PPFIBP2: variants seen among roughly 807,000 people sequenced by gnomAD.
PPFIBP2 encodes the protein liprin-beta-2.
Under a neutral mutation model 118.3 loss-of-function variants are expected in PPFIBP2, and 118 were observed. The observed-to-expected ratio is 1.00, with a 90% CI of 0.86 to 1.16. The LOEUF (loss-of-function observed/expected upper bound fraction) is 1.16, where lower values mean the gene tolerates loss of function less well. PPFIBP2 is among the 50% of genes most tolerant of loss of function. The probability of loss-of-function intolerance (pLI) is 0.00; values close to 1 mark genes in which losing one functional copy is unlikely to be tolerated. For synonymous variants in PPFIBP2, 414 were observed against 397.4 expected (o/e 1.04, Z -0.50); for missense variants, 1,195 against 1,073.1 (o/e 1.11, Z -1.59).
intron 17 of PPFIBP2, among the ~76,000 whole-genome samples, chr11:7,645,873 C>G (rs1324971077): frequency 1.3e-5 from 2 of 152,066 alleles, no homozygotes; most frequent in Non-Finnish European, 2.9e-5. Flanking sequence ...ACTGAAATGT[C>G]CCTCAGATAT....
At chr11:7,519,322 A>G (rs1849521604) in intron 1 of PPFIBP2, among the ~76,000 whole-genome samples, 1 of 152,098 alleles carries the variant, frequency 6.6e-6, no homozygotes, top group South Asian at 2.1e-4. Context: ...GCGAGAATGG[A>G]GGAGAAGGAT....
At chr11:7,571,960 A>G (rs1028491260) in intron 3 of PPFIBP2, 9 of 152,258 alleles carry the variant, frequency 5.9e-5, no homozygotes, top group African/African-American at 1.9e-4. Context: ...CAAAGATAAC[A>G]TAAGCACCTC....
At chr11:7,648,664 G>T (rs1483754700) in intron 18 of PPFIBP2, 127 bp downstream of exon 18, 1 of 1,476,410 alleles carries the variant, frequency 6.8e-7, no homozygotes, top group Non-Finnish European at 9.4e-7. Flanking sequence ...TTCCTCTGTA[G>T]CTGCAGGTTG....
At chr11:7,574,345 C>A (rs1235409340) in intron 3 of PPFIBP2, among the ~76,000 whole-genome samples, 1 of 152,136 alleles carries the variant, frequency 6.6e-6, no homozygotes, top group African/African-American at 2.4e-5. Flanking sequence ...GTCTGAGACA[C>A]CACCTCACAG....
In PPFIBP2 at chr11:7,650,825, T is replaced by G; in HGVS notation, c.2122-15T>G. On this transcript the variant is annotated splice_polypyrimidine_tract_variant and intron_variant, in intron 21 of 23. Transcript: ENST00000299492. ...ATTAAGCCTAACTTCCTCACTCTCCTTCTCCCTCTGACAGAGTAACCTTTC... is the reference window on the plus strand; with the variant it reads ...ATTAAGCCTAACTTCCTCACTCTCCGTCTCCCTCTGACAGAGTAACCTTTC... 1 of 1,612,788 alleles carries G rather than the reference T, an allele frequency of 6.2e-7. No homozygotes were observed. The highest frequency in any genetic ancestry group is 8.5e-7 in the Non-Finnish European group (1 of 1,179,062).
intron 1 of PPFIBP2, among the ~76,000 whole-genome samples, chr11:7,542,070 A>G (rs992890697): frequency 6.6e-6 from 1 of 152,164 alleles, no homozygotes; most frequent in East Asian, 1.9e-4. Flanking sequence ...AGCCAGAGTA[A>G]TCCTTTTAAA....
chr11:7,612,919 T>C (rs1317325671), intron 6 of PPFIBP2, among the ~76,000 whole-genome samples: 1 of 152,364 alleles, frequency 6.6e-6, no homozygotes, highest in East Asian at 1.9e-4. Context: ...TGCACTATTG[T>C]CATGTGCATG....
intron 17 of PPFIBP2, among the ~76,000 whole-genome samples, chr11:7,645,186 G>C (rs1340083196): frequency 6.6e-6 from 1 of 152,128 alleles, no homozygotes; most frequent in Non-Finnish European, 1.5e-5. Flanking sequence ...ACTTGCTAAG[G>C]GGAAGTTGAC....
chr11:7,664,215 A>G, the PPFIBP2 span, among the ~76,000 whole-genome samples: 1 of 152,226 alleles, frequency 6.6e-6, no homozygotes, highest in African/African-American at 2.4e-5. Flanking sequence ...AAGGAGTCTG[A>G]ATAGGTTCCA....
At position 7,550,341 on chromosome 11, in the gene PPFIBP2, G is replaced by A. The variant is rs902492662; in HGVS notation, c.64+802G>A. 3.9e-5 allele frequency among the ~76,000 whole-genome samples: 6 copies of A among 152,138 alleles called. No individual in the cohort carries two copies. The East Asian group carries it at 1.2e-3, about 29-fold the overall frequency. ...TGGCTGGAAGAGAGCGTGGAGGAAGGTATTGGGCCAAGTGTGGCTAGACCC... is the reference window on the plus strand; with the variant it reads ...TGGCTGGAAGAGAGCGTGGAGGAAGATATTGGGCCAAGTGTGGCTAGACCC... On this transcript the variant is annotated intron_variant, in intron 2 of 23. Coordinates refer to ENST00000299492, the MANE Select transcript of PPFIBP2 (RefSeq NM_003621.5).
At position 7,549,431 on chromosome 11, in the gene PPFIBP2, A is replaced by C; in HGVS notation, c.-36-9A>C. The C allele has an allele frequency of 6.4e-7, 1 of 1,551,640 alleles. No individual in the cohort carries two copies. The highest frequency in any genetic ancestry group is 8.7e-7 in the Non-Finnish European group (1 of 1,146,774). ...TAATTTTTCCTTTGTTCTGTATTTGAATTTTCAGTAAGAAGAGGAGGAGGC... is the reference window on the plus strand; with the variant it reads ...TAATTTTTCCTTTGTTCTGTATTTGCATTTTCAGTAAGAAGAGGAGGAGGC... On this transcript the variant is annotated splice_polypyrimidine_tract_variant and intron_variant, in intron 1 of 23. Transcript: ENST00000299492.
intron 23 of PPFIBP2, among the ~76,000 whole-genome samples, chr11:7,652,291 G>C (rs1047508460): frequency 2.0e-5 from 3 of 152,220 alleles, no homozygotes; most frequent in African/African-American, 7.2e-5. Context: ...TTCGTGAAGT[G>C]GCCAGCACAC....
chr11:7,544,367 C>G (rs146305869), intron 1 of PPFIBP2, among the ~76,000 whole-genome samples: 178 of 152,294 alleles, frequency 1.2e-3, no homozygotes, highest in African/African-American at 4.1e-3. Flanking sequence ...TTCTTTCTTT[C>G]CTGGGCGGTT....
chr11:7,639,719 C>T lies in PPFIBP2; in HGVS notation c.1237-13C>T, dbSNP rs775020381. 2 of 1,613,860 alleles carry T rather than the reference C, an allele frequency of 1.2e-6. No homozygotes were observed. Among genetic ancestry groups the T allele is most frequent in the African/African-American group, 1.3e-5 (1 of 74,950 alleles). ...TAAGTCGGTATCTCTCTCTTTCTCT[C>T]ACCTTCCAATAGGACAGCCCTTTCT... On this transcript the variant is annotated splice_polypyrimidine_tract_variant and intron_variant, in intron 14 of 23. Transcript: ENST00000299492.
chr11:7,551,798 T>C (rs750498199), intron 2 of PPFIBP2, among the ~76,000 whole-genome samples: 43 of 152,242 alleles, frequency 2.8e-4, no homozygotes, highest in Non-Finnish European at 3.8e-4. Flanking sequence ...ATACAGGCAT[T>C]CCTGAAATGA....
At chr11:7,606,034 G>T (rs1278613713) in intron 5 of PPFIBP2, 2 of 1,531,386 alleles carry the variant, frequency 1.3e-6, no homozygotes, top group Non-Finnish European at 1.7e-6. Flanking sequence ...AAAAGCTGTT[G>T]ATCAAGTCAA....
In PPFIBP2 at chr11:7,653,399, C is replaced by T. The variant is rs1426602896; in HGVS notation, c.*181C>T. On this transcript the variant is annotated 3_prime_UTR_variant, in exon 24 of 24. Coordinates refer to ENST00000299492, the MANE Select transcript of PPFIBP2 (RefSeq NM_003621.5). ...GTGGCCAGGATCTGGAGCTGCATCT[C>T]TAAGGGGCCAGGCTTTGGGGACCAT... 4.7e-6 allele frequency: 7 copies of T among 1,488,154 alleles called. No individual in the cohort carries two copies. Among genetic ancestry groups the T allele is most frequent in the African/African-American group, 2.8e-5 (2 of 71,966 alleles). The allele number at this position is 1,488,154 out of a possible 1,614,324, so 92.2% of individuals were successfully genotyped here.
At chr11:7,634,713 G>C (rs779902678) in intron 13 of PPFIBP2, among the ~76,000 whole-genome samples, 161 bp downstream of exon 13, 1 of 152,188 alleles carries the variant, frequency 6.6e-6, no homozygotes, top group Non-Finnish European at 1.5e-5. Flanking sequence ...AATTAACTGG[G>C]TGTGGCCCAA....
At chr11:7,647,987 T>G (rs1171700752) in intron 17 of PPFIBP2, 2 of 154,576 alleles carry the variant, frequency 1.3e-5, no homozygotes, top group Non-Finnish European at 2.9e-5. Flanking sequence ...GAACTGACCC[T>G]CTTAAATGCT....
Sources: gnomAD v4.1 joint callset for allele counts (sites outside exome capture counted in the v4.1 genomes callset) on GRCh38, gnomAD v4.1.1 for gene constraint, MANE v1.5 for transcripts, NCBI Gene and HGNC (gene_info 2026-07-23, HGNC 2026-07-21) for gene names.